SH3BGR: variants seen among roughly 807,000 people sequenced by gnomAD.
The protein encoded by SH3BGR is SH3 domain binding glutamate rich protein.
SH3BGR carries 29 observed loss-of-function variants against 24.5 expected under a neutral mutation model. That is an observed-to-expected ratio of 1.18 (90% confidence interval 0.88 to 1.61). The LOEUF (loss-of-function observed/expected upper bound fraction) is 1.61. Among genes scored for constraint, SH3BGR ranks in the 40% most tolerant of loss-of-function variants. SH3BGR has a pLI of 0.00. For synonymous variants in SH3BGR, 55 were observed against 65.7 expected, an observed-to-expected ratio of 0.84 and a Z score of 0.79; for missense variants, 162 against 205.8, an observed-to-expected ratio of 0.79 and a Z score of 1.30.
intron 2 of SH3BGR, among the ~76,000 whole-genome samples, chr21:39,466,791 A>G (rs1318186534): frequency 1.3e-5 from 2 of 152,226 alleles, no homozygotes; most frequent in Non-Finnish European, 2.9e-5. Context: ...GATTATGGGA[A>G]CTACAATTCA....
intron 3 of SH3BGR, among the ~76,000 whole-genome samples, chr21:39,492,477 TATATAC>T (rs1406274592): frequency 1.4e-4 from 20 of 147,984 alleles, no homozygotes; most frequent in East Asian, 1.0e-3. Flanking sequence ...TATATATATA[TATATAC>T]ACACACACAC....
chr21:39,482,731 G>A (rs867948629), intron 3 of SH3BGR, among the ~76,000 whole-genome samples: 4 of 151,938 alleles, frequency 2.6e-5, no homozygotes, highest in Non-Finnish European at 4.4e-5. Flanking sequence ...ATGCGGTTGC[G>A]CAGTCTCAGC....
chr21:39,492,472 A>G (rs1400505482), intron 3 of SH3BGR, among the ~76,000 whole-genome samples: 5 of 113,256 alleles, frequency 4.4e-5, no homozygotes, highest in African/African-American at 1.2e-4. Context: ...GTGTGTATAT[A>G]TATATATATA....
At chr21:39,454,259 C>G (rs2077619812) in intron 1 of SH3BGR, among the ~76,000 whole-genome samples, 1 of 152,190 alleles carries the variant, frequency 6.6e-6, no homozygotes. Context: ...CAAGCCTTTC[C>G]TACTTATTTC....
At chr21:39,452,508 A>G (rs1374436194) in intron 1 of SH3BGR, among the ~76,000 whole-genome samples, 1 of 152,244 alleles carries the variant, frequency 6.6e-6, no homozygotes, top group African/African-American at 2.4e-5. Flanking sequence ...AATAAATGAT[A>G]CTTTGTGTAA....
chr21:39,508,963 T>G (rs763149688), intron 4 of SH3BGR, 35 bp from the exon 5 acceptor site: 1 of 1,548,874 alleles, frequency 6.5e-7, no homozygotes, highest in African/African-American at 1.4e-5. Flanking sequence ...ACTTGAATTA[T>G]GTTTTTTTCT....
chr21:39,474,500 A>G (rs2077994336), intron 2 of SH3BGR, among the ~76,000 whole-genome samples: 2 of 152,192 alleles, frequency 1.3e-5, no homozygotes, highest in Admixed American at 1.3e-4. Context: ...TGACAGCTGC[A>G]TTACTGGGAA....
Position 39,499,272 on chromosome 21 carries a change from A to ATCTATCTATCTATCTATCTATCTATCTG in SH3BGR, c.313-542_313-541insCTATCTATCTATCTATCTGTCTATCTAT, listed in dbSNP as rs1487738408. On this transcript the variant is annotated intron_variant, in intron 3 of 6. Coordinates refer to ENST00000333634, the MANE Select transcript of SH3BGR (RefSeq NM_007341.3). Reference sequence around the variant, plus strand: ...CTATCTATCATCTGTCTATCTGTCTATCTATCTATGTCTGTCTGCCTGCCT... The same window carrying ATCTATCTATCTATCTATCTATCTATCTG: ...CTATCTATCATCTGTCTATCTGTCTATCTATCTATCTATCTATCTATCTATCTGTCTATCTATGTCTGTCTGCCTGCCT... Among the ~76,000 whole-genome samples the ATCTATCTATCTATCTATCTATCTATCTG allele has an allele frequency of 2.7e-5, 4 of 150,258 alleles. No homozygotes were observed. In the East Asian group the frequency reaches 5.8e-4, roughly 22 times the overall value.
Position 39,462,493 on chromosome 21 carries a change from G to A in SH3BGR, c.164G>A (p.Gly55Glu). 6.2e-7 allele frequency: 1 copy of A among 1,609,636 alleles called. No individual in the cohort carries two copies. Among genetic ancestry groups the A allele is most frequent in the Non-Finnish European group, 8.5e-7 (1 of 1,179,090 alleles). Residue 55 changes from glycine to glutamate, a missense_variant, in exon 2 of 7, where the codon GGA (glycine) becomes GAA (glutamate). Coordinates refer to ENST00000333634, the MANE Select transcript of SH3BGR (RefSeq NM_007341.3). ...AGGTGGATGAGAGAGAATGTTCCTG[G>A]AGAGAAAAAACCTCAAAATGGGATT... ...NRRWMRENVP[G>E]EKKPQNGIPL...
intron 1 of SH3BGR, among the ~76,000 whole-genome samples, chr21:39,453,463 C>A (rs530994967): frequency 6.6e-6 from 1 of 152,036 alleles, no homozygotes; most frequent in African/African-American, 2.4e-5. Context: ...TGTTGATGCT[C>A]ATTGCTAAAA....
Position 39,495,482 on chromosome 21 carries a change from C to CTT in SH3BGR, c.313-4327_313-4326dup, listed in dbSNP as rs543877521. Among the ~76,000 whole-genome samples the CTT allele has an allele frequency of 1.4e-3, 203 of 140,182 alleles. 1 individual carries two copies. Among genetic ancestry groups the CTT allele is most frequent in the African/African-American group, 4.4e-3 (167 of 38,324 alleles). The allele number at this position is 140,182 out of a possible 152,430, so 92.0% of individuals were successfully genotyped here. On this transcript the variant is annotated intron_variant, in intron 3 of 6. Coordinates refer to ENST00000333634, the MANE Select transcript of SH3BGR (RefSeq NM_007341.3). ...GTTATGAATCAGAGGGTAAAAGTCT[C>CTT]TTTTTTTTTTTTTTTGAGTAAAGAT...
intron 1 of SH3BGR, among the ~76,000 whole-genome samples, chr21:39,459,442 C>T (rs1427657051): frequency 6.6e-6 from 1 of 152,174 alleles, no homozygotes; most frequent in Non-Finnish European, 1.5e-5. Flanking sequence ...CCAGGATAGT[C>T]TCGATCTCTT....
intron 2 of SH3BGR, among the ~76,000 whole-genome samples, chr21:39,472,164 A>T (rs1432652798): frequency 2.6e-5 from 4 of 151,566 alleles, no homozygotes; most frequent in Admixed American, 2.6e-4. Context: ...GTGCTGCTAA[A>T]ACAGAATACC....
At chr21:39,475,719 TC>T (rs2078017165) in intron 3 of SH3BGR, among the ~76,000 whole-genome samples, 1 of 152,238 alleles carries the variant, frequency 6.6e-6, no homozygotes, top group South Asian at 2.1e-4. Flanking sequence ...ATTTTTTTCT[TC>T]CAGTGACGTC....
intron 3 of SH3BGR, among the ~76,000 whole-genome samples, chr21:39,475,616 A>G (rs1378114877): frequency 1.3e-5 from 2 of 152,204 alleles, no homozygotes. Context: ...ATACCCTTAC[A>G]TTATTTCTAT....
At chr21:39,500,075 A>C (rs2078468340) in intron 4 of SH3BGR, among the ~76,000 whole-genome samples, 160 bp downstream of exon 4, 2 of 152,156 alleles carry the variant, frequency 1.3e-5, no homozygotes, top group African/African-American at 4.8e-5. Flanking sequence ...CTGATGTGTT[A>C]AGCACTGGAA....
chr21:39,462,317 G>C lies in SH3BGR; in HGVS notation c.46-58G>C. On this transcript the variant is annotated intron_variant, in intron 1 of 6. Transcript: ENST00000333634. ...TAACTAGAGGAAGGATTTAATTTTT[G>C]TAAATGTAAGCAAAATATTTTTCAT... 2.3e-6 allele frequency: 3 copies of C among 1,326,234 alleles called. No individual in the cohort carries two copies. In the East Asian group the frequency reaches 7.1e-5, roughly 31 times the overall value. The allele number at this position is 1,326,234 out of a possible 1,614,324, so 82.2% of individuals were successfully genotyped here. A position where few individuals can be genotyped will look rare whatever the true frequency, so the allele number is the denominator to read the frequency against.
chr21:39,473,001 A>C (rs748992463), intron 2 of SH3BGR, among the ~76,000 whole-genome samples: 11 of 151,924 alleles, frequency 7.2e-5, no homozygotes, highest in Non-Finnish European at 1.3e-4. Context: ...AGTGTATTTA[A>C]ATTTTTTTTT....
At chr21:39,508,743 A>G (rs1310933912) in intron 4 of SH3BGR, among the ~76,000 whole-genome samples, 1 of 152,204 alleles carries the variant, frequency 6.6e-6, no homozygotes. Context: ...TAATAATTAC[A>G]TTTTCTCAGG....
Sources: allele counts gnomAD v4.1 joint callset (sites outside exome capture counted in the v4.1 genomes callset), GRCh38; gene constraint gnomAD v4.1.1; transcripts MANE v1.5; gene names NCBI Gene and HGNC (gene_info 2026-07-23, HGNC 2026-07-21).